IRF7: variants seen among roughly 807,000 people sequenced by gnomAD.
The protein encoded by IRF7 is interferon regulatory factor-7H.
IRF7 carries 67 observed loss-of-function variants against 51.3 expected under a neutral mutation model. The observed-to-expected ratio is 1.31, with a 90% CI of 1.07 to 1.60. The LOEUF is 1.60. Among genes scored for constraint, IRF7 ranks in the 40% most tolerant of loss-of-function variants. IRF7 has a pLI of 0.00. For synonymous variants in IRF7, 427 were observed against 301.3 expected (o/e 1.42, Z -4.32); for missense variants, 873 against 701.5 (o/e 1.24, Z -2.76).
In IRF7 at chr11:614,159, C is replaced by T. The variant is rs761568793; in HGVS notation, c.679+15G>A. 1.1e-5 allele frequency: 17 copies of T among 1,608,174 alleles called. No individual in the cohort carries two copies. Among genetic ancestry groups the T allele is most frequent in the Middle Eastern group, 3.3e-4 (2 of 5,986 alleles). ...GCCCCTCCCGCGCTCCCCCCCTCCC[C>T]GGGCACGCCCACACCTCCAGCACAG... On this transcript the variant is annotated intron_variant, in intron 6 of 10. Transcript: ENST00000525445.
intron 8 of IRF7, 38 bp downstream of exon 8, chr11:613,746 TG>T: frequency 1.2e-6 from 1 of 866,974 alleles, no homozygotes. Context: ...GTGACGGGGG[TG>T]GGCGGGGACA....
At position 614,791 on chromosome 11, in the gene IRF7, G is replaced by T. The variant is rs1039580826; in HGVS notation, c.394+6C>A. 1.3e-6 allele frequency: 2 copies of T among 1,532,700 alleles called. No homozygotes were observed. The highest frequency in any genetic ancestry group is 1.4e-5 in the African/African-American group (1 of 72,548). The allele number at this position is 1,532,700 out of a possible 1,614,324, so 94.9% of individuals were successfully genotyped here. A position where few individuals can be genotyped will look rare whatever the true frequency, so the allele number is the denominator to read the frequency against. ...GCCAACGCCCTTGGCAGCCGGCGTC[G>T]CTCACCTCGCCAGCACAGCTCCCGG... On this transcript the variant is annotated splice_donor_region_variant and intron_variant, in intron 4 of 10. Coordinates refer to ENST00000525445, the MANE Select transcript of IRF7 (RefSeq NM_001572.5).
chr11:613,069 G>A lies in IRF7; in HGVS notation c.1286C>T (p.Thr429Ile). Residue 429 changes from threonine to isoleucine, a missense_variant, in exon 10 of 11, where the codon ACC becomes ATC. By Grantham distance (89) the Thr-to-Ile change is moderately conservative. Coordinates refer to ENST00000525445, the MANE Select transcript of IRF7 (RefSeq NM_001572.5). The stretch of plus-strand genomic sequence containing the variant: ...GTCCTGCCCGAAGCCCAGGTAGATG[G>A]TATAGCGTGGGGAGCCACGGCGCTG... ...ARQRRGSPRYTIYLGFGQDLS... is the reference protein window; with the variant it reads ...ARQRRGSPRYIIYLGFGQDLS... The A allele has an allele frequency of 6.2e-7, 1 of 1,613,126 alleles. No homozygotes were observed. Among genetic ancestry groups the A allele is most frequent in the Non-Finnish European group, 8.5e-7 (1 of 1,180,000 alleles).
chr11:613,471 T>G lies in IRF7; in HGVS notation c.972A>C (p.Thr324=). 6.5e-7 allele frequency: 1 copy of G among 1,545,632 alleles called. No homozygotes were observed. The highest frequency in any genetic ancestry group is 8.7e-7 in the Non-Finnish European group (1 of 1,146,990). The change falls in exon 9 of 11, where the codon ACA becomes ACC. Residue 324 remains threonine (T), a synonymous_variant. Coordinates refer to ENST00000525445, the MANE Select transcript of IRF7 (RefSeq NM_001572.5). ...YGPPDPAVRA[T]DPQQVAFPSP... is the part of the protein sequence containing the mutation. ...TGGGGAATGCTACCTGCTGGGGGTCTGTGGCCCGGACAGCTGGGTCTGGGG... is the reference window on the plus strand; with the variant it reads ...TGGGGAATGCTACCTGCTGGGGGTCGGTGGCCCGGACAGCTGGGTCTGGGG...
chr11:615,085 T>TG lies in IRF7; in HGVS notation c.183+11dup. 6.4e-7 allele frequency: 1 copy of TG among 1,574,308 alleles called. No homozygotes were observed. Among genetic ancestry groups the TG allele is most frequent in the Non-Finnish European group, 8.6e-7 (1 of 1,166,524 alleles). On this transcript the variant is annotated intron_variant, in intron 3 of 10. Coordinates refer to ENST00000525445, the MANE Select transcript of IRF7 (RefSeq NM_001572.5). ...TCTCCCACCCGGGGCGGGGCGGGGC[T>TG]GGGGTCCCCACCTTGAAGATGCGCG...
rs376213301 is a variant in IRF7 at position 613,196 on chromosome 11, C to A, written c.1237+10G>T. On this transcript the variant is annotated intron_variant, in intron 9 of 10. Transcript: ENST00000525445. ...CTGGAGACAGCCCCCCAGGCAAGGG[C>A]CTCACTGACCTTGGAAGAAGACTCT... 3.0e-5 allele frequency: 48 copies of A among 1,589,392 alleles called. No homozygotes were observed. The South Asian group carries it at 5.2e-4, about 17-fold the overall frequency.
At chr11:614,583 T>A in intron 4 of IRF7, 49 bp from the exon 5 acceptor site, 3 of 1,543,628 alleles carry the variant, frequency 1.9e-6, no homozygotes, top group Non-Finnish European at 2.6e-6. Context: ...GAGTGAGAGA[T>A]ACAAGGAGAG....
At position 615,013 on chromosome 11, in the gene IRF7, G is replaced by C. The variant is rs1415082315; in HGVS notation, c.184-6C>G. 1.2e-5 allele frequency: 18 copies of C among 1,545,576 alleles called. No homozygotes were observed. Among genetic ancestry groups the C allele is most frequent in the Non-Finnish European group, 1.5e-5 (17 of 1,150,822 alleles). The stretch of plus-strand genomic sequence containing the variant: ...CCGCGGGCCACAGCCCAGGCCTGAA[G>C]AGGGGGACAGAACACGTGTGCCGGG... On this transcript the variant is annotated splice_polypyrimidine_tract_variant and splice_region_variant and intron_variant, in intron 3 of 10. Coordinates refer to ENST00000525445, the MANE Select transcript of IRF7 (RefSeq NM_001572.5).
Position 614,921 on chromosome 11 carries a change from G to C in IRF7, c.270C>G (p.Gly90=). 1.9e-6 allele frequency: 3 copies of C among 1,585,788 alleles called. No individual in the cohort carries two copies. The highest frequency in any genetic ancestry group is 2.6e-6 in the Non-Finnish European group (3 of 1,168,964). The change falls in exon 4 of 11, where the codon GGC becomes GGG. Residue 90 remains glycine (G), a synonymous_variant. Transcript: ENST00000525445. ...PPEAETAERA[G]WKTNFRCALR... is the part of the protein sequence containing the mutation. ...GTGCGCAGCGGAAGTTGGTTTTCCAGCCGGCGCGCTCCGCAGTCTCAGCCT... is the reference window on the plus strand; with the variant it reads ...GTGCGCAGCGGAAGTTGGTTTTCCACCCGGCGCGCTCCGCAGTCTCAGCCT...
chr11:615,692 G>T, intron 1 of IRF7, 45 bp from the exon 2 acceptor site: 1 of 383,348 alleles, frequency 2.6e-6, no homozygotes, highest in Non-Finnish European at 4.6e-6. Flanking sequence ...TCAGGCTCCC[G>T]GGAAAGCGAA....
chr11:612,832 C>G (rs971761794), intron 10 of IRF7, 32 bp from the exon 11 acceptor site: 1 of 1,599,284 alleles, frequency 6.3e-7, no homozygotes, highest in Non-Finnish European at 8.5e-7. Context: ...CTGTCAGTGA[C>G]CCGGCGTGTG....
rs772221788 is a variant in IRF7 at position 614,978 on chromosome 11, C to A, written c.213G>T (p.Pro71=). The part of the protein sequence containing the change: ...KAWAVARGRW[P]PSSRGGGPPP... ...GCGGGCCACCTCCCCTGCTGCTAGG[C>A]GGCCACCTGCCGCGGGCCACAGCCC... Residue 71 remains proline, a synonymous_variant, in exon 4 of 11, where the codon CCG becomes CCT. Transcript: ENST00000525445. 96 of 1,548,296 alleles carry A rather than the reference C, an allele frequency of 6.2e-5. No homozygotes were observed. Among genetic ancestry groups the A allele is most frequent in the Non-Finnish European group, 8.1e-5 (93 of 1,152,260 alleles).
chr11:615,310 GA>G, intron 2 of IRF7, 34 bp downstream of exon 2: 1 of 1,570,076 alleles, frequency 6.4e-7, no homozygotes, highest in African/African-American at 1.3e-5. Flanking sequence ...GGCGCTCGGG[GA>G]CTGGCATCTG....
rs1856553884 is a variant in IRF7 at position 613,298 on chromosome 11, C to T, written c.1145G>A (p.Gly382Glu). The T allele has an allele frequency of 6.2e-7, 1 of 1,610,304 alleles. No individual in the cohort carries two copies. The change falls in exon 9 of 11, where the codon GGA becomes GAA. Residue 382 changes from glycine to glutamate, a missense_variant. Physicochemically the swap from Gly to Glu is moderately conservative, Grantham distance 98 (BLOSUM62 -2). Transcript: ENST00000525445. ...GKCKVYWEVGGPPGSASPSTP... is the reference protein window; with the variant it reads ...GKCKVYWEVGEPPGSASPSTP... ...GGAGGGGCTGGCGGAGCCTGGGGGT[C>T]CGCCCACCTCCCAGTACACCTTGCA...
At position 614,551 on chromosome 11, in the gene IRF7, C is replaced by T. The variant is rs1313501439; in HGVS notation, c.395-17G>A. On this transcript the variant is annotated splice_polypyrimidine_tract_variant and intron_variant, in intron 4 of 10. Coordinates refer to ENST00000525445, the MANE Select transcript of IRF7 (RefSeq NM_001572.5). ...CTGGGCCTTCTGAGAGAGAATGGGGCAGGCGTTAGGCCCCGACACCAGAGT... is the reference window on the plus strand; with the variant it reads ...CTGGGCCTTCTGAGAGAGAATGGGGTAGGCGTTAGGCCCCGACACCAGAGT... 2 of 1,551,194 alleles carry T rather than the reference C, an allele frequency of 1.3e-6. No homozygotes were observed. The highest frequency in any genetic ancestry group is 1.2e-5 in the South Asian group (1 of 84,098).
In IRF7 at chr11:613,757, A is replaced by G. The variant is rs59115876; in HGVS notation, c.847+28T>C. On this transcript the variant is annotated intron_variant, in intron 8 of 10. Coordinates refer to ENST00000525445, the MANE Select transcript of IRF7 (RefSeq NM_001572.5). ...GTGAGTGACGGGGGTGGGCGGGGAC[A>G]GGCTGCCCCTTCCTGGGATGCACTC... 287,521 of 1,249,156 alleles carry G rather than the reference A, an allele frequency of 0.23. 49,354 individuals are homozygous for G. The highest frequency in any genetic ancestry group is 0.51 in the African/African-American group (30,683 of 60,136). 77.4% of individuals were successfully genotyped at this position (1,249,156 alleles called of 1,614,324 possible).
chr11:615,742 C>G, intron 1 of IRF7, 95 bp from the exon 2 acceptor site: 3 of 276,718 alleles, frequency 1.1e-5, no homozygotes, highest in Non-Finnish European at 2.0e-5. Context: ...CGATCCCACC[C>G]CGTCCGGTTC....
Position 613,856 on chromosome 11 carries a change from G to C in IRF7, c.776C>G (p.Ala259Gly), listed in dbSNP as rs760511367. Residue 259 changes from alanine (A) to glycine (G), a missense_variant, in exon 8 of 11, where the codon GCG becomes GGG. Ala to Gly is a moderately conservative substitution (Grantham distance 60). Coordinates refer to ENST00000525445, the MANE Select transcript of IRF7 (RefSeq NM_001572.5). The part of the protein sequence containing the change: ...QPAALTTGEA[A>G]APESPHQAEP... ...TGCCTGGTGCGGGGACTCTGGGGCC[G>C]CGGCCTCGCCTGCATCCGGAAGGGA... The C allele has an allele frequency of 2.0e-5, 32 of 1,598,096 alleles. No individual in the cohort carries two copies. Among genetic ancestry groups the C allele is most frequent in the Non-Finnish European group, 2.6e-5 (31 of 1,174,022 alleles).
At position 615,278 on chromosome 11, in the gene IRF7, GGA is replaced by G. The variant is rs772080975; in HGVS notation, c.21-21_21-20del. 52 of 1,579,890 alleles carry G rather than the reference GGA, an allele frequency of 3.3e-5. No individual in the cohort carries two copies. The highest frequency in any genetic ancestry group is 4.6e-5 in the East Asian group (2 of 43,718). On this transcript the variant is annotated intron_variant, in intron 2 of 10. Coordinates refer to ENST00000525445, the MANE Select transcript of IRF7 (RefSeq NM_001572.5). ...GGCTGCCCTGCGGGTGCCCGGCCGCGGAGAGTCAGGGCCGGCTGCAGGGCGCT... is the reference window on the plus strand; with the variant it reads ...GGCTGCCCTGCGGGTGCCCGGCCGCGGAGTCAGGGCCGGCTGCAGGGCGCT...
Sources: gnomAD v4.1 joint callset for allele counts on GRCh38, gnomAD v4.1.1 for gene constraint, MANE v1.5 for transcripts, NCBI Gene and HGNC (gene_info 2026-07-23, HGNC 2026-07-21) for gene names.